CAMK2D: variants seen among roughly 807,000 people sequenced by gnomAD.
CAMK2D encodes calcium/calmodulin dependent protein kinase II delta.
CAMK2D carries 37 observed loss-of-function variants against 84.0 expected under a neutral mutation model. The observed-to-expected ratio is 0.44, with a 90% CI of 0.34 to 0.58. CAMK2D has a LOEUF of 0.58. Among genes scored for constraint, CAMK2D ranks in the 20% least tolerant of loss-of-function variants. The pLI is 0.02. For synonymous variants in CAMK2D, 202 were observed against 212.5 expected, an observed-to-expected ratio of 0.95 and a Z score of 0.43; for missense variants, 448 against 652.5, an observed-to-expected ratio of 0.69 and a Z score of 3.41.
At chr4:113,732,586 A>C (rs2099571806) in intron 2 of CAMK2D, among the ~76,000 whole-genome samples, 1 of 152,228 alleles carries the variant, frequency 6.6e-6, no homozygotes, top group South Asian at 2.1e-4. Flanking sequence ...ATGATAATTC[A>C]CATATTTTTA....
intron 3 of CAMK2D, among the ~76,000 whole-genome samples, chr4:113,648,971 T>G (rs925084289): frequency 3.3e-5 from 5 of 152,214 alleles, no homozygotes; most frequent in African/African-American, 1.2e-4. Flanking sequence ...CTCCCAATGT[T>G]TTTTCCTCCT....
chr4:113,743,351 C>T (rs574410776), intron 2 of CAMK2D, among the ~76,000 whole-genome samples: 9 of 152,336 alleles, frequency 5.9e-5, no homozygotes, highest in African/African-American at 2.2e-4. Context: ...TGCAGTCTCA[C>T]TTTGCTGAGC....
chr4:113,560,126 AGGCTACAGTC>A (rs1560973059), intron 4 of CAMK2D, among the ~76,000 whole-genome samples: 1 of 151,368 alleles, frequency 6.6e-6, no homozygotes, highest in African/African-American at 2.4e-5. Flanking sequence ...GGAAGGGCTC[AGGCTACAGTC>A]GGCTGAAAGC....
rs139576985 is a variant in CAMK2D, at chr4:113,603,773, T to TTATATATATATATATATATATATA, written c.275+5355_275+5378dup. 1.3e-3 allele frequency among the ~76,000 whole-genome samples: 167 copies of TTATATATATATATATATATATATA among 127,894 alleles called. 3 individuals are homozygous for TTATATATATATATATATATATATA. Among genetic ancestry groups the TTATATATATATATATATATATATA allele is most frequent in the African/African-American group, 5.3e-3 (163 of 30,612 alleles). 83.9% of individuals were successfully genotyped at this position (127,894 alleles called of 152,430 possible). A position where few individuals can be genotyped will look rare whatever the true frequency, so the allele number is the denominator to read the frequency against. ...ATCTTTCTATATATTTCTTGCTATT[T>TTATATATATATATATATATATATA]TATATATATATATATATATATATAT... On this transcript the variant is annotated intron_variant, in intron 4 of 20. Transcript: ENST00000511664.
intron 6 of CAMK2D, among the ~76,000 whole-genome samples, chr4:113,544,169 A>G (rs2098551475): frequency 6.6e-6 from 1 of 152,086 alleles, no homozygotes; most frequent in African/African-American, 2.4e-5. Context: ...TCTAAATGAA[A>G]AAGTTTTACT....
intron 13 of CAMK2D, chr4:113,508,299 G>GAAAAAA: frequency 1.4e-6 from 2 of 1,462,902 alleles, no homozygotes; most frequent in Non-Finnish European, 1.9e-6. Context: ...GAAAGGAAAA[G>GAAAAAA]AAAAAAAAAT....
At chr4:113,628,345 A>G (rs2099076083) in intron 3 of CAMK2D, among the ~76,000 whole-genome samples, 1 of 152,204 alleles carries the variant, frequency 6.6e-6, no homozygotes, top group South Asian at 2.1e-4. Context: ...AAAAAGAAAT[A>G]GAAAAGGAAT....
chr4:113,529,441 A>G (rs2098443588), intron 8 of CAMK2D, among the ~76,000 whole-genome samples: 1 of 152,224 alleles, frequency 6.6e-6, no homozygotes, highest in Non-Finnish European at 1.5e-5. Flanking sequence ...GCTTGCTGAC[A>G]AACACCAAAG....
In CAMK2D at chr4:113,695,989, T is replaced by C. The variant is rs79168219; in HGVS notation, c.161-34217A>G. ...ACACACTGGTCTCCTTGCTTCTCTT[T>C]GAGCATATTACGTATGCTACTAACT... On this transcript the variant is annotated intron_variant, in intron 2 of 20. Transcript: ENST00000511664. Among the ~76,000 whole-genome samples, 581 of 152,238 alleles carry C rather than the reference T, an allele frequency of 3.8e-3. 5 individuals carry two copies. Among genetic ancestry groups the C allele is most frequent in the African/African-American group, 0.013 (554 of 41,552 alleles).
intron 2 of CAMK2D, among the ~76,000 whole-genome samples, chr4:113,714,073 T>C (rs2099504608): frequency 4.6e-5 from 7 of 152,088 alleles, no homozygotes. Flanking sequence ...ATTTTACTTT[T>C]CATATTTAGT....
At chr4:113,465,203 T>G (rs974326635) in intron 17 of CAMK2D, among the ~76,000 whole-genome samples, 1 of 152,080 alleles carries the variant, frequency 6.6e-6, no homozygotes, top group Non-Finnish European at 1.5e-5. Flanking sequence ...TGACTAATTT[T>G]TAAACTTTTT....
chr4:113,745,947 C>T (rs182676943), intron 2 of CAMK2D, among the ~76,000 whole-genome samples: 1 of 152,308 alleles, frequency 6.6e-6, no homozygotes, highest in African/African-American at 2.4e-5. Context: ...GGCCTTACAG[C>T]ACTGGGCACA....
intron 2 of CAMK2D, among the ~76,000 whole-genome samples, chr4:113,732,483 A>G (rs1471725813): frequency 3.3e-5 from 5 of 152,164 alleles, no homozygotes. Flanking sequence ...GGTGTTTCTA[A>G]TATTATTGGT....
intron 2 of CAMK2D, among the ~76,000 whole-genome samples, chr4:113,668,094 C>G (rs1592741220): frequency 6.6e-6 from 1 of 152,020 alleles, no homozygotes; most frequent in African/African-American, 2.4e-5. Context: ...ACCATGGCTT[C>G]CTTGTGGAGA....
chr4:113,492,048 C>T lies in CAMK2D; in HGVS notation c.1135+8415G>A, dbSNP rs571309931. On this transcript the variant is annotated intron_variant, in intron 16 of 20. Coordinates refer to ENST00000511664, the MANE Select transcript of CAMK2D (RefSeq NM_001321571.2). ...CTTCTCTCTTTTTTTCTTTATTAGT[C>T]TTCCTAGCGGTCTATCAATTTTGTT... Among the ~76,000 whole-genome samples the T allele has an allele frequency of 7.2e-5, 11 of 152,112 alleles. No individual in the cohort carries two copies. In the South Asian group the frequency reaches 2.3e-3, roughly 32 times the overall value.
intron 2 of CAMK2D, among the ~76,000 whole-genome samples, chr4:113,733,366 A>G (rs2099573585): frequency 6.6e-6 from 1 of 152,170 alleles, no homozygotes; most frequent in African/African-American, 2.4e-5. Context: ...TAAAATGCCT[A>G]GGCATGAACA....
intron 16 of CAMK2D, among the ~76,000 whole-genome samples, chr4:113,482,996 T>TA (rs2097720144): frequency 6.6e-6 from 1 of 152,256 alleles, no homozygotes; most frequent in Non-Finnish European, 1.5e-5. Flanking sequence ...GGAAAAATGT[T>TA]ACGCTATTCC....
intron 4 of CAMK2D, among the ~76,000 whole-genome samples, chr4:113,605,725 C>A (rs1025544008): frequency 2.0e-5 from 3 of 152,166 alleles, no homozygotes; most frequent in Non-Finnish European, 2.9e-5. Context: ...GTTCCAATAA[C>A]CTCACCTAGC....
intron 2 of CAMK2D, among the ~76,000 whole-genome samples, chr4:113,705,469 C>T (rs2099446876): frequency 6.6e-6 from 1 of 152,140 alleles, no homozygotes; most frequent in South Asian, 2.1e-4. Context: ...CAAGGAACCA[C>T]CCAAAGGCCT....
Sources: allele counts gnomAD v4.1 joint callset (sites outside exome capture counted in the v4.1 genomes callset), GRCh38; gene constraint gnomAD v4.1.1; transcripts MANE v1.5; gene names NCBI Gene and HGNC (gene_info 2026-07-23, HGNC 2026-07-21).